Variants in MORN1 observed in about 807,000 individuals in gnomAD.
The protein encoded by MORN1 is MORN repeat-containing protein 1.
In MORN1, 67 loss-of-function variants were observed where a neutral mutation model predicts 61.9. The ratio of observed to expected loss-of-function variants is 1.08; its 90% CI spans 0.89 to 1.33. MORN1 has a LOEUF of 1.33. Ranked by LOEUF, MORN1 falls within the 40% of genes most tolerant of loss-of-function variation. MORN1 has a pLI of 0.00. For missense variants in MORN1, 752 were observed against 691.2 expected (o/e 1.09, Z -0.99); for synonymous variants, 301 against 292.0 (o/e 1.03, Z -0.31).
Position 2,358,669 on chromosome 1 carries a change from C to T in MORN1, c.792G>A (p.Val264=). The T allele has an allele frequency of 1.2e-6, 2 of 1,613,936 alleles. No individual in the cohort carries two copies. The highest frequency in any genetic ancestry group is 1.7e-6 in the Non-Finnish European group (2 of 1,179,948). ...TGACCTCAGAGTAGGCTGACAGCTG[C>T]ACGTATCTGACGCCCGCTGAGATCT... The part of the protein sequence containing the change: ...VLQISAGVRY[V]QLSAYSEVNF... Residue 264 remains valine, a synonymous_variant, in exon 9 of 14, where the codon GTG becomes GTA. Coordinates refer to ENST00000378531, the MANE Select transcript of MORN1 (RefSeq NM_024848.3).
chr1:2,350,090 A>G lies in MORN1; in HGVS notation c.1036+7342T>C, dbSNP rs117811682. Among the ~76,000 whole-genome samples the G allele has an allele frequency of 4.3e-4, 65 of 152,326 alleles. No homozygotes were observed. The East Asian group carries it at 0.011, about 27-fold the overall frequency. On this transcript the variant is annotated intron_variant, in intron 10 of 13. Coordinates refer to ENST00000378531, the MANE Select transcript of MORN1 (RefSeq NM_024848.3). ...CCCAGGCAGGCACCCCACTGACAACAAGGGACACAAAAGGGTTCTGCACTG... is the reference window on the plus strand; with the variant it reads ...CCCAGGCAGGCACCCCACTGACAACGAGGGACACAAAAGGGTTCTGCACTG...
At chr1:2,379,464 C>G (rs1482107806) in intron 6 of MORN1, among the ~76,000 whole-genome samples, 2 of 152,180 alleles carry the variant, frequency 1.3e-5, no homozygotes, top group Non-Finnish European at 2.9e-5. Context: ...ATGGTTTAAG[C>G]TCCCAGGGAA....
intron 1 of MORN1, 54 bp from the exon 2 acceptor site, chr1:2,390,050 C>G (rs1570062102): frequency 7.3e-6 from 11 of 1,505,880 alleles, no homozygotes; most frequent in East Asian, 4.5e-5. Flanking sequence ...ATGAGGGATG[C>G]TCTCCAGTGC....
chr1:2,323,922 C>T (rs1337576357), intron 13 of MORN1, 175 bp downstream of exon 13: 2 of 984,964 alleles, frequency 2.0e-6, no homozygotes, highest in African/African-American at 1.7e-5. Context: ...CACCAGCCCC[C>T]TTCCCATTCA....
chr1:2,383,417 T>C (rs1477746061), intron 6 of MORN1, among the ~76,000 whole-genome samples: 1 of 152,106 alleles, frequency 6.6e-6, no homozygotes, highest in Non-Finnish European at 1.5e-5. Context: ...CCACACCCTC[T>C]CTGTGGAGGT....
rs1053650122 is a variant in MORN1 at position 2,357,988 on chromosome 1, C to T, written c.870-390G>A. Among the ~76,000 whole-genome samples the T allele has an allele frequency of 2.0e-5, 3 of 152,176 alleles. No homozygotes were observed. Among genetic ancestry groups the T allele is most frequent in the East Asian group, 1.9e-4 (1 of 5,196 alleles). On this transcript the variant is annotated intron_variant, in intron 9 of 13. Coordinates refer to ENST00000378531, the MANE Select transcript of MORN1 (RefSeq NM_024848.3). This position sits in a 1 kb window ranked among gnomAD's most constrained non-coding sequence, Gnocchi z 6.3. ...AGTGTGAGAGCTGTGGCGTCACACT[C>T]AGGTCTGGTCGCCTGGGGCACTGCT...
At chr1:2,354,631 C>T (rs1380810344) in intron 10 of MORN1, among the ~76,000 whole-genome samples, 1 of 152,126 alleles carries the variant, frequency 6.6e-6, no homozygotes, top group Non-Finnish European at 1.5e-5. Flanking sequence ...TTGACTGCAC[C>T]AGACCCCAGG....
chr1:2,385,747 C>T (rs1322955046), intron 5 of MORN1, 60 bp downstream of exon 5: 1 of 1,508,410 alleles, frequency 6.6e-7, no homozygotes, highest in Non-Finnish European at 9.2e-7. Context: ...GCCACATGGC[C>T]TCACACCTGC....
At chr1:2,352,592 C>T (rs1403058217) in intron 10 of MORN1, 1 of 152,350 alleles carries the variant, frequency 6.6e-6, no homozygotes, top group Non-Finnish European at 1.5e-5. Flanking sequence ...CCGTCCTGCT[C>T]TCTGACTGTG....
At chr1:2,321,960 T>C in intron 13 of MORN1, 2 of 960,332 alleles carry the variant, frequency 2.1e-6, no homozygotes, top group Non-Finnish European at 2.5e-6. Flanking sequence ...TTGCAAATAC[T>C]TTCCTACTTT....
At chr1:2,332,554 T>C (rs1341357623) in intron 12 of MORN1, 1 of 454,486 alleles carries the variant, frequency 2.2e-6, no homozygotes, top group Non-Finnish European at 4.4e-6. Flanking sequence ...GATGGGGGAA[T>C]GGGCAGTGCT....
intron 10 of MORN1, among the ~76,000 whole-genome samples, chr1:2,344,689 G>A (rs1215164565): frequency 6.6e-6 from 1 of 152,198 alleles, no homozygotes; most frequent in African/African-American, 2.4e-5. Flanking sequence ...CACAGATGGG[G>A]CCCGGCCGCC....
intron 10 of MORN1, among the ~76,000 whole-genome samples, chr1:2,349,937 C>A (rs1250919988): frequency 6.6e-6 from 1 of 152,212 alleles, no homozygotes; most frequent in Non-Finnish European, 1.5e-5. Flanking sequence ...CTCACGGCTG[C>A]GGCCTCTCTA....
chr1:2,351,551 C>T (rs2036082), intron 10 of MORN1: 37,374 of 201,348 alleles, frequency 0.19, 3,901 homozygotes, highest in Non-Finnish European at 0.23. Context: ...CAGCACATTG[C>T]GCTTCTTGTC....
intron 10 of MORN1, among the ~76,000 whole-genome samples, chr1:2,344,907 G>A (rs1300644682): frequency 6.6e-6 from 1 of 152,244 alleles, no homozygotes; most frequent in Admixed American, 6.5e-5. Context: ...CAAAGCGAGA[G>A]CATCAAAGAC....
intron 12 of MORN1, among the ~76,000 whole-genome samples, chr1:2,333,473 CAGGGT>C (rs1641202206): frequency 6.6e-6 from 1 of 152,214 alleles, no homozygotes; most frequent in South Asian, 2.1e-4. Flanking sequence ...AGGACCGTGC[CAGGGT>C]AGGGGCCATG....
intron 10 of MORN1, among the ~76,000 whole-genome samples, chr1:2,354,925 C>A (rs759948233): frequency 2.0e-5 from 3 of 152,190 alleles, no homozygotes; most frequent in Non-Finnish European, 4.4e-5. Context: ...AAGCACGTTC[C>A]TCTAGGTTTC....
Position 2,389,999 on chromosome 1 carries a change from G to A in MORN1, c.77-3C>T. Reference sequence around the variant, plus strand: ...TGGGTATACGTAGACACCATAACCTGAGTATTGAGAAGACACACACAGGTA... The same window carrying A: ...TGGGTATACGTAGACACCATAACCTAAGTATTGAGAAGACACACACAGGTA... On this transcript the variant is annotated splice_region_variant and splice_polypyrimidine_tract_variant and intron_variant, in intron 1 of 13. Transcript: ENST00000378531. 1 of 1,612,624 alleles carries A rather than the reference G, an allele frequency of 6.2e-7. No homozygotes were observed. Among genetic ancestry groups the A allele is most frequent in the Non-Finnish European group, 8.5e-7 (1 of 1,178,710 alleles).
chr1:2,353,063 G>A (rs576189340), intron 10 of MORN1, among the ~76,000 whole-genome samples: 3 of 152,344 alleles, frequency 2.0e-5, no homozygotes, highest in East Asian at 1.9e-4. Flanking sequence ...GTCCCAGGAC[G>A]CACTGCAGGC....
Sources: allele counts gnomAD v4.1 joint callset (sites outside exome capture counted in the v4.1 genomes callset), GRCh38; gene constraint gnomAD v4.1.1; non-coding constraint Gnocchi (gnomAD v3.1); transcripts MANE v1.5; gene names NCBI Gene and HGNC (gene_info 2026-07-23, HGNC 2026-07-21).